Variants in PDZRN4 observed in about 807,000 individuals in gnomAD.
PDZRN4 encodes PDZ domain containing ring finger 4.
In PDZRN4, 70 loss-of-function variants were observed where a neutral mutation model predicts 99.0. The observed-to-expected ratio is 0.71, with a 90% CI of 0.58 to 0.86. The LOEUF (loss-of-function observed/expected upper bound fraction) is 0.86. PDZRN4 is among the 40% of genes least tolerant of loss of function. PDZRN4 has a pLI of 0.00. For synonymous variants in PDZRN4, 551 were observed against 501.6 expected (o/e 1.10, Z -1.32); for missense variants, 1,474 against 1,331.2 (o/e 1.11, Z -1.67).
At chr12:41,503,404 A>G (rs1029057573) in intron 3 of PDZRN4, among the ~76,000 whole-genome samples, 7 of 152,140 alleles carry the variant, frequency 4.6e-5, no homozygotes, top group Non-Finnish European at 7.4e-5. Context: ...AAATAAATGA[A>G]TGTATAGGTC....
chr12:41,203,257 C>A (rs1308420269), intron 3 of PDZRN4, among the ~76,000 whole-genome samples: 2 of 151,850 alleles, frequency 1.3e-5, no homozygotes, highest in African/African-American at 4.8e-5. Flanking sequence ...ACAAAAGGAA[C>A]ACAGAATGAG....
chr12:41,280,878 C>T (rs539213094), intron 3 of PDZRN4, among the ~76,000 whole-genome samples: 256 of 152,274 alleles, frequency 1.7e-3, no homozygotes, highest in African/African-American at 5.6e-3. Flanking sequence ...GGACAGACTG[C>T]CTCCTCAAGT....
intron 3 of PDZRN4, among the ~76,000 whole-genome samples, chr12:41,344,285 C>T (rs1000920882): frequency 2.0e-5 from 3 of 151,996 alleles, no homozygotes; most frequent in Non-Finnish European, 2.9e-5. Context: ...AGCGCCTTTA[C>T]CATTTTAAAA....
intron 9 of PDZRN4, 110 bp from the exon 10 acceptor site, chr12:41,572,254 C>G: frequency 1.2e-6 from 1 of 837,568 alleles, no homozygotes. Flanking sequence ...GAGCAACTGT[C>G]TAGGAGATGC....
chr12:41,190,358 G>A (rs1337976681), intron 1 of PDZRN4, among the ~76,000 whole-genome samples: 1 of 152,178 alleles, frequency 6.6e-6, no homozygotes, highest in East Asian at 1.9e-4. Context: ...ATATATACAG[G>A]TAAATTTACA....
At chr12:41,478,493 C>CA (rs1455688848) in intron 3 of PDZRN4, among the ~76,000 whole-genome samples, 1 of 151,072 alleles carries the variant, frequency 6.6e-6, no homozygotes, top group Non-Finnish European at 1.5e-5. Flanking sequence ...TCATTTGTTA[C>CA]AAAAAAATAA....
intron 3 of PDZRN4, among the ~76,000 whole-genome samples, chr12:41,264,156 T>C (rs1442130207): frequency 6.6e-6 from 1 of 152,222 alleles, no homozygotes; most frequent in African/African-American, 2.4e-5. Context: ...GTACAATGAA[T>C]ACATTGTTAT....
At chr12:41,196,052 G>T (rs1950769854) in intron 3 of PDZRN4, among the ~76,000 whole-genome samples, 1 of 151,854 alleles carries the variant, frequency 6.6e-6, no homozygotes, top group African/African-American at 2.4e-5. Flanking sequence ...CATTAGAAAA[G>T]AAAAAGAATT....
chr12:41,446,408 G>T (rs2733293), intron 3 of PDZRN4, among the ~76,000 whole-genome samples: 77,216 of 151,484 alleles, frequency 0.51, 20,143 homozygotes, highest in African/African-American at 0.64. Flanking sequence ...GGAACAAAGA[G>T]AATTTCCAAA....
chr12:41,567,757 T>C, intron 8 of PDZRN4, 26 bp from the exon 9 acceptor site: 3 of 1,434,650 alleles, frequency 2.1e-6, no homozygotes, highest in Non-Finnish European at 2.9e-6. Context: ...TAACATAATA[T>C]AATGTACTAA....
At chr12:41,499,608 A>C (rs966364003) in intron 3 of PDZRN4, among the ~76,000 whole-genome samples, 2 of 152,096 alleles carry the variant, frequency 1.3e-5, no homozygotes, top group African/African-American at 4.8e-5. Context: ...GACAAGGAAA[A>C]GATAATGAAA....
At chr12:41,408,909 A>G (rs1181827165) in intron 3 of PDZRN4, among the ~76,000 whole-genome samples, 1 of 151,504 alleles carries the variant, frequency 6.6e-6, no homozygotes, top group African/African-American at 2.4e-5. Context: ...GTTCATTTTT[A>G]TTATTAATGC....
intron 3 of PDZRN4, among the ~76,000 whole-genome samples, chr12:41,332,651 TTG>T (rs1951747740): frequency 6.6e-6 from 1 of 150,938 alleles, no homozygotes; most frequent in South Asian, 2.1e-4. Flanking sequence ...CAGAACTCAT[TTG>T]TGAATCAAGA....
intron 3 of PDZRN4, among the ~76,000 whole-genome samples, chr12:41,500,562 T>C (rs553424348): frequency 6.6e-6 from 1 of 152,250 alleles, no homozygotes; most frequent in African/African-American, 2.4e-5. Flanking sequence ...TATCAGTGAT[T>C]GTTTTGTTCA....
At chr12:41,438,600 A>G (rs1265299584) in intron 3 of PDZRN4, among the ~76,000 whole-genome samples, 6 of 152,198 alleles carry the variant, frequency 3.9e-5, no homozygotes, top group African/African-American at 1.2e-4. Flanking sequence ...GATCCTTTTT[A>G]TAAGGTTTTT....
At chr12:41,445,465 C>T (rs1308555978) in intron 3 of PDZRN4, among the ~76,000 whole-genome samples, 4 of 151,960 alleles carry the variant, frequency 2.6e-5, no homozygotes, top group African/African-American at 7.2e-5. Flanking sequence ...GTGCAAAAAT[C>T]CTCCCACAAC....
In PDZRN4 at chr12:41,490,685, G is replaced by T. The variant is rs1196411042; in HGVS notation, c.844-15771G>T. On this transcript the variant is annotated intron_variant, in intron 3 of 9. Transcript: ENST00000402685. ...AGTCCCAAGACTCTCTTGTCTTGAG[G>T]CTGGTTGCTCTTCAACATCCTTCGT... Among the ~76,000 whole-genome samples the T allele has an allele frequency of 2.0e-5, 3 of 152,004 alleles. No homozygotes were observed. The East Asian group carries it at 5.8e-4, about 29-fold the overall frequency.
At chr12:41,539,897 A>C (rs1335613910) in intron 5 of PDZRN4, among the ~76,000 whole-genome samples, 1 of 152,154 alleles carries the variant, frequency 6.6e-6, no homozygotes, top group Non-Finnish European at 1.5e-5. Context: ...CATTCATCAG[A>C]TCAGGAGATA....
chr12:41,451,406 C>T (rs1952773028), intron 3 of PDZRN4, among the ~76,000 whole-genome samples: 1 of 152,136 alleles, frequency 6.6e-6, no homozygotes, highest in African/African-American at 2.4e-5. Flanking sequence ...GGTTTATGGG[C>T]TCCATTTGGA....
Sources: gnomAD v4.1 joint callset for allele counts (sites outside exome capture counted in the v4.1 genomes callset) on GRCh38, gnomAD v4.1.1 for gene constraint, MANE v1.5 for transcripts, NCBI Gene and HGNC (gene_info 2026-07-23, HGNC 2026-07-21) for gene names.